The following SMARCAL1 variants were observed in gnomAD, a reference collection of about 807,000 sequenced individuals.
SMARCAL1 encodes the protein ATP-driven annealing helicase.
Under a neutral mutation model 94.5 loss-of-function variants are expected in SMARCAL1, and 58 were observed. The observed-to-expected ratio is 0.61, with a 90% CI of 0.50 to 0.76. The LOEUF (loss-of-function observed/expected upper bound fraction) is 0.76, where lower values mean the gene tolerates loss of function less well. Ranked by LOEUF, SMARCAL1 falls within the 30% of genes least tolerant of loss-of-function variation. The probability of loss-of-function intolerance (pLI) is 0.00; values close to 1 mark genes in which losing one functional copy is unlikely to be tolerated. For synonymous variants in SMARCAL1, 422 were observed against 455.1 expected (o/e 0.93, Z 0.93); for missense variants, 1,051 against 1,177.9 (o/e 0.89, Z 1.58).
At chr2:216,414,538 G>C in intron 2 of SMARCAL1, 109 bp from the exon 3 acceptor site, 1 of 668,260 alleles carries the variant, frequency 1.5e-6, no homozygotes, top group South Asian at 1.8e-5. Context: ...ACATCCTTTA[G>C]TTGTGCTCAT....
chr2:216,430,049 G>C (rs1019965533), intron 7 of SMARCAL1, among the ~76,000 whole-genome samples: 3 of 152,096 alleles, frequency 2.0e-5, no homozygotes, highest in African/African-American at 7.2e-5. Flanking sequence ...CAAGTTCTTC[G>C]TGGCACTGTT....
At chr2:216,431,118 G>A (rs1032057010) in intron 7 of SMARCAL1, among the ~76,000 whole-genome samples, 2 of 152,238 alleles carry the variant, frequency 1.3e-5, no homozygotes, top group Non-Finnish European at 2.9e-5. Context: ...AGGGTGCCAC[G>A]CCATGATGCC....
intron 13 of SMARCAL1, among the ~76,000 whole-genome samples, chr2:216,467,639 A>C (rs1259497264): frequency 6.6e-6 from 1 of 152,172 alleles, no homozygotes; most frequent in African/African-American, 2.4e-5. Context: ...TGAGGTCTAA[A>C]GTGGGAGGAG....
At chr2:216,418,950 G>C (rs1421021738) in intron 4 of SMARCAL1, among the ~76,000 whole-genome samples, 2 of 152,136 alleles carry the variant, frequency 1.3e-5, no homozygotes, top group Non-Finnish European at 2.9e-5. Context: ...AATAAATTTT[G>C]ATAGCTGTAT....
rs766284659 is a variant in SMARCAL1 at position 216,415,018 on chromosome 2, C to T, written c.314C>T (p.Pro105Leu). The change falls in exon 3 of 18, where the codon CCC (proline) becomes CTC (leucine). Residue 105 changes from proline (P) to leucine (L), a missense_variant. Pro to Leu is a moderately conservative substitution (Grantham distance 98, BLOSUM62 -3). Around this residue, in one of 3 missense-constraint regions of SMARCAL1, gnomAD observed 398 missense variants for 395.2 expected, o/e 1.01. Transcript: ENST00000357276. ...ATATGGAAAAAGCCAGAAGAAATGC[C>T]CACAGCCTGCCCAGGCCACAGTCCA... ...KGIWKKPEEMPTACPGHSPRS... is the reference protein window; with the variant it reads ...KGIWKKPEEMLTACPGHSPRS... 5.6e-6 allele frequency: 9 copies of T among 1,613,974 alleles called. No individual in the cohort carries two copies. Among genetic ancestry groups the T allele is most frequent in the Middle Eastern group, 1.6e-4 (1 of 6,084 alleles).
chr2:216,422,590 A>C (rs1693748196), intron 5 of SMARCAL1, among the ~76,000 whole-genome samples: 1 of 152,200 alleles, frequency 6.6e-6, no homozygotes, highest in South Asian at 2.1e-4. Context: ...GTTGTCAGAA[A>C]GGGCCTTCCC....
intron 10 of SMARCAL1, among the ~76,000 whole-genome samples, chr2:216,442,982 A>G (rs1483005114): frequency 6.6e-6 from 1 of 152,204 alleles, no homozygotes; most frequent in Non-Finnish European, 1.5e-5. Context: ...AGGTCCGGCC[A>G]TTCTCATTTA....
Position 216,414,894 on chromosome 2 carries a change from C to A in SMARCAL1, c.190C>A (p.Pro64Thr), listed in dbSNP as rs1693553074. ...AAATTTCCCAAGGGAGTCTTGTAAG[C>A]CAGTGAGCCATGGTGTCATTTTCAA... Reference protein sequence around the residue: ...SQNFPRESCKPVSHGVIFKQQ... With the variant: ...SQNFPRESCKTVSHGVIFKQQ... The change falls in exon 3 of 18, where the codon CCA becomes ACA. Residue 64 changes from proline to threonine, a missense_variant. By Grantham distance (38) the Pro-to-Thr change is conservative (BLOSUM62 -1). Transcript: ENST00000357276. 1 of 1,614,198 alleles carries A rather than the reference C, an allele frequency of 6.2e-7. No homozygotes were observed. Among genetic ancestry groups the A allele is most frequent in the South Asian group, 1.1e-5 (1 of 91,076 alleles).
Position 216,420,350 on chromosome 2 carries a change from C to T in SMARCAL1, c.914C>T (p.Ala305Val). 6.2e-7 allele frequency: 1 copy of T among 1,614,170 alleles called. No homozygotes were observed. The highest frequency in any genetic ancestry group is 8.5e-7 in the Non-Finnish European group (1 of 1,180,026). The change falls in exon 5 of 18, where the codon GCC becomes GTC. Residue 305 changes from alanine (A) to valine (V), a missense_variant. Ala to Val is a moderately conservative substitution (Grantham distance 64). This residue lies in a region of SMARCAL1 where 398 missense variants were observed against 395.2 expected (regional missense o/e 1.01). Transcript: ENST00000357276. ...GTCAACCTGCAGCCTCTGGAATGGG[C>T]CTATGGCAGCAGCGAGTCACCCTCC... ...PTVNLQPLEWAYGSSESPSTS... is the reference protein window; with the variant it reads ...PTVNLQPLEWVYGSSESPSTS...
At position 216,428,607 on chromosome 2, in the gene SMARCAL1, C is replaced by T. The variant is rs147448613; in HGVS notation, c.1159C>T (p.Arg387Cys). The change falls in exon 7 of 18, where the codon CGC (arginine) becomes TGC (cysteine). Residue 387 changes from arginine (R) to cysteine (C), a missense_variant. By Grantham distance (180) the Arg-to-Cys change is radical (BLOSUM62 -3). Around this residue, in one of 3 missense-constraint regions of SMARCAL1, gnomAD observed 642 missense variants for 754.7 expected, o/e 0.85. Coordinates refer to ENST00000357276, the MANE Select transcript of SMARCAL1 (RefSeq NM_014140.4). ...EEHSKLIAKV[R>C]CLPQVQLDPL... ...GTTCTTCTTTTCAGTTGCAAAGGTGCGCTGCCTCCCACAAGTTCAGCTGGA... is the reference window on the plus strand; with the variant it reads ...GTTCTTCTTTTCAGTTGCAAAGGTGTGCTGCCTCCCACAAGTTCAGCTGGA... 1.3e-4 allele frequency: 211 copies of T among 1,613,748 alleles called. 1 individual carries two copies. The South Asian group carries it at 1.5e-3, about 11-fold the overall frequency.
rs1271850407 is a variant in SMARCAL1 at position 216,477,171 on chromosome 2, C to G, written c.2490C>G (p.His830Gln). 5 of 1,598,324 alleles carry G rather than the reference C, an allele frequency of 3.1e-6. No individual in the cohort carries two copies. Among genetic ancestry groups the G allele is most frequent in the Non-Finnish European group, 3.4e-6 (4 of 1,172,566 alleles). Residue 830 changes from histidine (H) to glutamine (Q), a missense_variant, in exon 16 of 18, where the codon CAC becomes CAG. This residue lies in a region of SMARCAL1 where 642 missense variants were observed against 754.7 expected (regional missense o/e 0.85). Transcript: ENST00000357276. ...RIGQTSSVGI[H>Q]YLVAKGTADD... ...GACAGACCAGCTCCGTGGGCATTCA[C>G]TACCTCGTGGCAAAGGGCACAGCTG... is the stretch of plus-strand genomic sequence containing the variant.
chr2:216,419,985 C>T (rs1024094615), intron 4 of SMARCAL1, among the ~76,000 whole-genome samples: 2 of 132,418 alleles, frequency 1.5e-5, no homozygotes, highest in African/African-American at 2.9e-5. Context: ...GCCATGATCA[C>T]GGCACTGCAC....
chr2:216,450,254 C>A (rs368353882), intron 11 of SMARCAL1, among the ~76,000 whole-genome samples: 23 of 152,288 alleles, frequency 1.5e-4, no homozygotes, highest in Admixed American at 6.5e-4. Flanking sequence ...CTGCCTAGGC[C>A]CTTAGCCAGA....
intron 12 of SMARCAL1, among the ~76,000 whole-genome samples, chr2:216,452,492 T>TA (rs1464770129): frequency 3.3e-5 from 5 of 151,800 alleles, no homozygotes; most frequent in Non-Finnish European, 7.4e-5. Context: ...AAATGTTATT[T>TA]TTTTTGCCAG....
At chr2:216,454,877 G>T (rs190897337) in intron 12 of SMARCAL1, among the ~76,000 whole-genome samples, 1 of 152,212 alleles carries the variant, frequency 6.6e-6, no homozygotes, top group Non-Finnish European at 1.5e-5. Flanking sequence ...GCAGCACACC[G>T]AGCGTGAGCG....
At chr2:216,477,766 C>A (rs983251973) in intron 16 of SMARCAL1, among the ~76,000 whole-genome samples, 7 of 152,148 alleles carry the variant, frequency 4.6e-5, no homozygotes, top group African/African-American at 1.7e-4. Context: ...TTATCTCCCC[C>A]TTCCTGATAC....
intron 14 of SMARCAL1, among the ~76,000 whole-genome samples, chr2:216,472,867 A>G (rs1447876734): frequency 2.0e-5 from 3 of 152,224 alleles, no homozygotes; most frequent in East Asian, 1.9e-4. Flanking sequence ...GAAGATGGAC[A>G]TGCTAATACA....
At position 216,478,317 on chromosome 2, in the gene SMARCAL1, C is replaced by T. The variant is rs370523069; in HGVS notation, c.2625+18C>T. 20 of 1,573,682 alleles carry T rather than the reference C, an allele frequency of 1.3e-5. No homozygotes were observed. The African/African-American group carries it at 2.4e-4, about 19-fold the overall frequency. On this transcript the variant is annotated intron_variant, in intron 17 of 17. Transcript: ENST00000357276. ...TCTACAAGGTAATGCCAGCACATGG[C>T]TCTTCACCCCTGGAGCAGAGGGAGG...
chr2:216,438,249 C>T (rs188839413), intron 9 of SMARCAL1, among the ~76,000 whole-genome samples, 171 bp from the exon 10 acceptor site: 25 of 152,314 alleles, frequency 1.6e-4, no homozygotes, highest in African/African-American at 5.8e-4. Flanking sequence ...GAGAAGCTGC[C>T]ACCAGACCCC....
Sources: allele counts gnomAD v4.1 joint callset (sites outside exome capture counted in the v4.1 genomes callset), GRCh38; gene constraint gnomAD v4.1.1; regional missense constraint gnomAD v4.1.1; transcripts MANE v1.5; gene names NCBI Gene and HGNC (gene_info 2026-07-23, HGNC 2026-07-21).